Variants in NAPEPLD observed in about 807,000 individuals in gnomAD.
NAPEPLD encodes N-acyl phosphatidylethanolamine phospholipase D.
Under a neutral mutation model 38.1 loss-of-function variants are expected in NAPEPLD, and 23 were observed. That is an observed-to-expected ratio of 0.60 (90% CI 0.43 to 0.86). The LOEUF is 0.86. NAPEPLD is among the 40% of genes least tolerant of loss of function. NAPEPLD has a pLI of 0.00. For missense variants in NAPEPLD, 411 were observed against 476.8 expected, an observed-to-expected ratio of 0.86 and a Z score of 1.28; for synonymous variants, 147 against 162.0, an observed-to-expected ratio of 0.91 and a Z score of 0.71.
intron 4 of NAPEPLD, 129 bp from the exon 5 acceptor site, chr7:103,103,683 G>T: frequency 2.1e-6 from 2 of 932,822 alleles, no homozygotes; most frequent in Non-Finnish European, 3.1e-6. Flanking sequence ...TTTAATTGAA[G>T]CATTAGCAAA....
At chr7:103,106,590 C>T (rs1375699185) in intron 4 of NAPEPLD, among the ~76,000 whole-genome samples, 2 of 152,106 alleles carry the variant, frequency 1.3e-5, no homozygotes, top group Non-Finnish European at 2.9e-5. Context: ...ACTGCTGAAG[C>T]TTGAGTAGGC....
intron 1 of NAPEPLD, among the ~76,000 whole-genome samples, chr7:103,140,244 TG>T (rs908476505): frequency 1.3e-5 from 2 of 152,140 alleles, no homozygotes; most frequent in African/African-American, 2.4e-5. Flanking sequence ...AGGATATACA[TG>T]TATACCATTT....
intron 1 of NAPEPLD, among the ~76,000 whole-genome samples, chr7:103,134,504 G>A (rs1809628714): frequency 6.6e-6 from 1 of 152,056 alleles, no homozygotes; most frequent in South Asian, 2.1e-4. Context: ...ACAAAAATTA[G>A]CTAGGCATGG....
intron 2 of NAPEPLD, among the ~76,000 whole-genome samples, chr7:103,122,491 A>T (rs562125846): frequency 2.6e-5 from 4 of 152,240 alleles, no homozygotes; most frequent in African/African-American, 9.6e-5. Flanking sequence ...TCAATGAGAG[A>T]GTGAGTCTGA....
intron 1 of NAPEPLD, chr7:103,141,984 T>C: frequency 1.4e-6 from 1 of 711,634 alleles, no homozygotes. Flanking sequence ...CCTGTGGAGC[T>C]TTTTAAACTA....
rs1485757315 is a variant in NAPEPLD, at chr7:103,099,839, T to G, written c.*3590A>C. On this transcript the variant is annotated 3_prime_UTR_variant, in exon 5 of 5. Coordinates refer to ENST00000465647, the MANE Select transcript of NAPEPLD (RefSeq NM_001122838.3). Reference sequence around the variant, plus strand: ...ATATTTTACTTGACTAAAAATACAATGTATGAAAATTTATCTTTAATAGCA... The same window carrying G: ...ATATTTTACTTGACTAAAAATACAAGGTATGAAAATTTATCTTTAATAGCA... The G allele has an allele frequency of 6.6e-6, 1 of 152,134 alleles. No individual in the cohort carries two copies. Among genetic ancestry groups the G allele is most frequent in the African/African-American group, 2.4e-5 (1 of 41,430 alleles). The allele number at this position is 152,134 out of a possible 1,614,324, so 9.4% of individuals were successfully genotyped here.
rs1563361698 is a variant in NAPEPLD at position 103,128,464 on chromosome 7, CA to C, written c.294+18del. The C allele has an allele frequency of 6.2e-7, 1 of 1,611,718 alleles. No individual in the cohort carries two copies. The highest frequency in any genetic ancestry group is 2.2e-5 in the East Asian group (1 of 44,854). ...ATATGAAGAGCAAATATAAAGCACT[CA>C]AAAAAGCCAAGCGCTACCTCTTTAG... On this transcript the variant is annotated intron_variant, in intron 2 of 4. Coordinates refer to ENST00000465647, the MANE Select transcript of NAPEPLD (RefSeq NM_001122838.3).
chr7:103,107,705 A>G (rs982340256), intron 4 of NAPEPLD, among the ~76,000 whole-genome samples: 5 of 151,946 alleles, frequency 3.3e-5, no homozygotes, highest in Non-Finnish European at 5.9e-5. Flanking sequence ...TAGAGAAAAA[A>G]GAGTGACAAG....
rs149878613 is a variant in NAPEPLD at position 103,106,994 on chromosome 7, C to A, written c.1057-3440G>T. 4.8e-3 allele frequency among the ~76,000 whole-genome samples: 731 copies of A among 152,300 alleles called. 6 individuals are homozygous for A. The highest frequency in any genetic ancestry group is 0.017 in the African/African-American group (691 of 41,566). ...AGTAGGGGCCGACAGACATCTCATA[C>A]AGGAGACCTCTGGCTGGCATCTGAC... On this transcript the variant is annotated intron_variant, in intron 4 of 4. Coordinates refer to ENST00000465647, the MANE Select transcript of NAPEPLD (RefSeq NM_001122838.3).
At chr7:103,113,949 A>G (rs1323310107) in intron 4 of NAPEPLD, among the ~76,000 whole-genome samples, 2 of 148,338 alleles carry the variant, frequency 1.3e-5, no homozygotes, top group Non-Finnish European at 1.5e-5. Context: ...CCCAGGCTGG[A>G]GTATAGTGGC....
Position 103,100,794 on chromosome 7 carries a change from CAAATG to C in NAPEPLD, c.*2630_*2634del, listed in dbSNP as rs1468149593. 2.0e-5 allele frequency: 3 copies of C among 152,058 alleles called. No homozygotes were observed. Among genetic ancestry groups the C allele is most frequent in the South Asian group, 4.1e-4 (2 of 4,828 alleles). The allele number at this position is 152,058 out of a possible 1,614,324, so 9.4% of individuals were successfully genotyped here. On this transcript the variant is annotated 3_prime_UTR_variant, in exon 5 of 5. Coordinates refer to ENST00000465647, the MANE Select transcript of NAPEPLD (RefSeq NM_001122838.3). ...CATAAACCCTTCAAAATGTAGATAA[CAAATG>C]AAAAATAAAGTGGAACCCACTCAAT...
chr7:103,147,945 A>G lies in NAPEPLD; in HGVS notation c.-17+866T>C, dbSNP rs183225402. On this transcript the variant is annotated intron_variant, in intron 1 of 4. Transcript: ENST00000465647. ...CAATCTCTCCTTAAATTATTATTTT[A>G]AATAAGTACTTTTACCCTAAATTTC... 5,889 of 964,840 alleles carry G rather than the reference A, an allele frequency of 6.1e-3. 25 individuals are homozygous for G. The highest frequency in any genetic ancestry group is 6.5e-3 in the Non-Finnish European group (5,288 of 811,190). The allele number at this position is 964,840 out of a possible 1,614,324, so 59.8% of individuals were successfully genotyped here.
intron 4 of NAPEPLD, among the ~76,000 whole-genome samples, chr7:103,104,844 C>G (rs1802981078): frequency 6.6e-6 from 1 of 152,104 alleles, no homozygotes; most frequent in Non-Finnish European, 1.5e-5. Flanking sequence ...AAATGATGAG[C>G]TTTTTTCCCA....
chr7:103,142,388 T>C (rs1348039263), intron 1 of NAPEPLD, among the ~76,000 whole-genome samples: 3 of 151,990 alleles, frequency 2.0e-5, no homozygotes, highest in Non-Finnish European at 2.9e-5. Flanking sequence ...GGTGGATCAT[T>C]TGAGGTCAGG....
At chr7:103,114,914 ATT>A in intron 4 of NAPEPLD, 144 bp downstream of exon 4, 1 of 604,304 alleles carries the variant, frequency 1.7e-6, no homozygotes, top group South Asian at 2.2e-5. Context: ...AATTAGTATG[ATT>A]TACCACCCTA....
rs748717947 is a variant in NAPEPLD at position 103,119,876 on chromosome 7, A to G, written c.642T>C (p.Gly214=). The G allele has an allele frequency of 1.2e-6, 2 of 1,614,208 alleles. No individual in the cohort carries two copies. The highest frequency in any genetic ancestry group is 1.7e-6 in the Non-Finnish European group (2 of 1,180,046). Residue 214 remains glycine (G), a synonymous_variant, in exon 3 of 5, where the codon GGT becomes GGC. Transcript: ENST00000465647. Reference sequence around the variant, plus strand: ...CACATTTTTGCATCCAGTCAAGGAGACCCAAAGGCACAAACCATCTCAACT... The same window carrying G: ...CACATTTTTGCATCCAGTCAAGGAGGCCCAAAGGCACAAACCATCTCAACT... ...GNELRWFVPL[G]LLDWMQKCGC... is the part of the protein sequence containing the mutation.
chr7:103,133,198 T>G (rs1292398844), intron 1 of NAPEPLD, among the ~76,000 whole-genome samples: 4 of 152,202 alleles, frequency 2.6e-5, no homozygotes, highest in Admixed American at 2.6e-4. Flanking sequence ...CCTGAAACTA[T>G]TTCCTCAGAT....
intron 4 of NAPEPLD, among the ~76,000 whole-genome samples, chr7:103,110,270 G>T (rs1310191729): frequency 6.6e-6 from 1 of 152,054 alleles, no homozygotes; most frequent in Non-Finnish European, 1.5e-5. Flanking sequence ...CCAAAACCTG[G>T]CAGAGACACA....
Position 103,101,637 on chromosome 7 carries a change from T to C in NAPEPLD, c.*1792A>G, listed in dbSNP as rs1331150067. On this transcript the variant is annotated 3_prime_UTR_variant, in exon 5 of 5. Coordinates refer to ENST00000465647, the MANE Select transcript of NAPEPLD (RefSeq NM_001122838.3). Reference sequence around the variant, plus strand: ...TAAAAACTCATTTAATCTACACATTTTTCAGAGGTAGGTCGGAATTATCCT... The same window carrying C: ...TAAAAACTCATTTAATCTACACATTCTTCAGAGGTAGGTCGGAATTATCCT... 1 of 152,600 alleles carries C rather than the reference T, an allele frequency of 6.6e-6. No individual in the cohort carries two copies. The highest frequency in any genetic ancestry group is 2.4e-5 in the African/African-American group (1 of 41,440). The allele number at this position is 152,600 out of a possible 1,614,324, so 9.5% of individuals were successfully genotyped here.
Sources: gnomAD v4.1 joint callset for allele counts (sites outside exome capture counted in the v4.1 genomes callset) on GRCh38, gnomAD v4.1.1 for gene constraint, MANE v1.5 for transcripts, NCBI Gene and HGNC (gene_info 2026-07-23, HGNC 2026-07-21) for gene names.